Variants in GIMAP7 observed in about 807,000 individuals in gnomAD.
The protein encoded by GIMAP7 is GTPase, IMAP family member 7.
For missense variants in GIMAP7, 323 were observed against 359.7 expected (o/e 0.90, Z 0.83); for synonymous variants, 137 against 129.3 (o/e 1.06, Z -0.40).
rs1795171233 is a variant in GIMAP7, at chr7:150,520,014, G to C, written c.40G>C (p.Val14Leu). 1.2e-6 allele frequency: 2 copies of C among 1,614,066 alleles called. No individual in the cohort carries two copies. Among genetic ancestry groups the C allele is most frequent in the South Asian group, 1.1e-5 (1 of 91,092 alleles). Reference sequence around the variant, plus strand: ...GGACCGCTCCCTGAGGATCGTTCTGGTAGGGAAAACTGGAAGTGGGAAAAG... The same window carrying C: ...GGACCGCTCCCTGAGGATCGTTCTGCTAGGGAAAACTGGAAGTGGGAAAAG... The part of the protein sequence containing the change: ...SEDRSLRIVL[V>L]GKTGSGKSAT... The change falls in exon 2 of 2, where the codon GTA becomes CTA. Residue 14 changes from valine to leucine, a missense_variant. Coordinates refer to ENST00000313543, the MANE Select transcript of GIMAP7 (RefSeq NM_153236.4).
chr7:150,515,497 T>A (rs544195291), intron 1 of GIMAP7, among the ~76,000 whole-genome samples: 1 of 152,302 alleles, frequency 6.6e-6, no homozygotes, highest in South Asian at 2.1e-4. Flanking sequence ...AGAGTTGCCA[T>A]AAAAGACCTT....
chr7:150,519,968 C>G lies in GIMAP7; in HGVS notation c.-7C>G. 2 of 1,612,590 alleles carry G rather than the reference C, an allele frequency of 1.2e-6. No individual in the cohort carries two copies. Among genetic ancestry groups the G allele is most frequent in the Non-Finnish European group, 1.7e-6 (2 of 1,178,930 alleles). ...GTGCCTAAGTTCTAGAGCCTCCTGA[C>G]GTGAGCATGGCTGAGAGTGAGGACC... On this transcript the variant is annotated 5_prime_UTR_variant, in exon 2 of 2. Transcript: ENST00000313543.
At position 150,520,173 on chromosome 7, in the gene GIMAP7, C is replaced by T. The variant is rs750252314; in HGVS notation, c.199C>T (p.Leu67Phe). 6.2e-7 allele frequency: 1 copy of T among 1,614,116 alleles called. No individual in the cohort carries two copies. The highest frequency in any genetic ancestry group is 1.7e-5 in the Admixed American group (1 of 60,026). Residue 67 changes from leucine to phenylalanine, a missense_variant, in exon 2 of 2, where the codon CTC (leucine) becomes TTC (phenylalanine). Transcript: ENST00000313543. ...CCTTCTTGTTGTAGACACTCCAGGG[C>T]TCTTTGACACCAAGGAGAGCCTGGA... ...RDLLVVDTPG[L>F]FDTKESLDTT...
intron 1 of GIMAP7, among the ~76,000 whole-genome samples, chr7:150,517,881 A>T (rs1795150807): frequency 6.6e-6 from 1 of 152,084 alleles, no homozygotes. Flanking sequence ...TCATATAAAT[A>T]ATTCTTTTGT....
chr7:150,520,958 G>C lies in GIMAP7; in HGVS notation c.*81G>C. 3.5e-6 allele frequency: 2 copies of C among 575,978 alleles called. No homozygotes were observed. Among genetic ancestry groups the C allele is most frequent in the Non-Finnish European group, 5.5e-6 (2 of 362,010 alleles). 35.7% of individuals were successfully genotyped at this position (575,978 alleles called of 1,614,324 possible). On this transcript the variant is annotated 3_prime_UTR_variant, in exon 2 of 2. Coordinates refer to ENST00000313543, the MANE Select transcript of GIMAP7 (RefSeq NM_153236.4). ...ACCTCCTTCCCCTTAGCTTTATTAA[G>C]GTATCATTGATAAATAAAAATAAAA...
chr7:150,519,009 G>A (rs1795161264), intron 1 of GIMAP7, among the ~76,000 whole-genome samples: 1 of 152,046 alleles, frequency 6.6e-6, no homozygotes, highest in Non-Finnish European at 1.5e-5. Flanking sequence ...GTAATTGAAT[G>A]GAATATAAAT....
rs1490745042 is a variant in GIMAP7, at chr7:150,519,958, A to G, written c.-17A>G. 6.2e-7 allele frequency: 1 copy of G among 1,610,308 alleles called. No homozygotes were observed. ...GGTCTTGTACGTGCCTAAGTTCTAG[A>G]GCCTCCTGACGTGAGCATGGCTGAG... On this transcript the variant is annotated 5_prime_UTR_variant, in exon 2 of 2. Transcript: ENST00000313543.
chr7:150,516,226 C>A (rs7784050), intron 1 of GIMAP7, among the ~76,000 whole-genome samples: 115,366 of 152,106 alleles, frequency 0.76, 43,913 homozygotes, highest in East Asian at 0.85. Flanking sequence ...TATGCAGTCT[C>A]TGCTCGATAG....
intron 1 of GIMAP7, among the ~76,000 whole-genome samples, chr7:150,518,454 GA>G (rs1362633425): frequency 6.6e-6 from 1 of 151,954 alleles, no homozygotes; most frequent in African/African-American, 2.4e-5. Flanking sequence ...TATTGTGAAT[GA>G]ACTTGGATAT....
chr7:150,520,223 C>T lies in GIMAP7; in HGVS notation c.249C>T (p.Arg83=), dbSNP rs1795174646. The T allele has an allele frequency of 1.2e-6, 2 of 1,614,026 alleles. No individual in the cohort carries two copies. The highest frequency in any genetic ancestry group is 1.7e-5 in the Admixed American group (1 of 60,000). Residue 83 remains arginine, a synonymous_variant, in exon 2 of 2, where the codon CGC becomes CGT. Coordinates refer to ENST00000313543, the MANE Select transcript of GIMAP7 (RefSeq NM_153236.4). ...ACACCACCTGCAAGGAAATCAGCCG[C>T]TGCATCATCTCCTCCTGCCCAGGGC... ...SLDTTCKEIS[R]CIISSCPGPH...
At position 150,520,001 on chromosome 7, in the gene GIMAP7, GA is replaced by G. The variant is rs1563302154; in HGVS notation, c.28del (p.Arg10GlyfsTer5). 1.9e-6 allele frequency: 3 copies of G among 1,613,898 alleles called. No individual in the cohort carries two copies. In the South Asian group the frequency reaches 3.3e-5, roughly 18 times the overall value. On this transcript the variant is annotated frameshift_variant, in exon 2 of 2. Transcript: ENST00000313543. LOFTEE classifies it low-confidence loss of function (END_TRUNC). MAESEDRSL[R>X]IVLVGKTGSG... ...TGGCTGAGAGTGAGGACCGCTCCCT[GA>G]GGATCGTTCTGGTAGGGAAAACTGG...
At position 150,520,089 on chromosome 7, in the gene GIMAP7, G is replaced by C; in HGVS notation, c.115G>C (p.Ala39Pro). ...LGEEIFDSRI[A>P]AQAVTKNCQK... ...AGAGGAAATCTTTGATTCTAGAATT[G>C]CTGCCCAAGCTGTTACCAAGAACTG... The change falls in exon 2 of 2, where the codon GCT (alanine) becomes CCT (proline). Residue 39 changes from alanine to proline, a missense_variant. By Grantham distance (27) the Ala-to-Pro change is conservative (BLOSUM62 -1). Coordinates refer to ENST00000313543, the MANE Select transcript of GIMAP7 (RefSeq NM_153236.4). 1 of 1,614,150 alleles carries C rather than the reference G, an allele frequency of 6.2e-7. No homozygotes were observed. The highest frequency in any genetic ancestry group is 1.1e-5 in the South Asian group (1 of 91,078).
At position 150,520,192 on chromosome 7, in the gene GIMAP7, G is replaced by A. The variant is rs752912337; in HGVS notation, c.218G>A (p.Ser73Asn). The A allele has an allele frequency of 2.5e-6, 4 of 1,614,108 alleles. No homozygotes were observed. The East Asian group carries it at 8.9e-5, about 36-fold the overall frequency. Residue 73 changes from serine (S) to asparagine (N), a missense_variant, in exon 2 of 2, where the codon AGC becomes AAC. Physicochemically the swap from Ser to Asn is conservative, Grantham distance 46. Transcript: ENST00000313543. ...CCAGGGCTCTTTGACACCAAGGAGA[G>A]CCTGGACACCACCTGCAAGGAAATC... ...DTPGLFDTKE[S>N]LDTTCKEISR... is the part of the protein sequence containing the mutation.
rs1795177449 is a variant in GIMAP7, at chr7:150,520,424, T to C, written c.450T>C (p.Asp150=). The C allele has an allele frequency of 1.2e-6, 2 of 1,614,194 alleles. No individual in the cohort carries two copies. Among genetic ancestry groups the C allele is most frequent in the South Asian group, 1.1e-5 (1 of 91,084 alleles). The change falls in exon 2 of 2, where the codon GAT becomes GAC. Residue 150 remains aspartate, a synonymous_variant. Transcript: ENST00000313543. ...TCCATGACTTCATAGCAGATGCGGA[T>C]GTGGGCCTAAAAAGCATCGTCAAGG... The part of the protein sequence containing the change: ...QSFHDFIADA[D]VGLKSIVKEC...
At chr7:150,519,083 T>G (rs35241484) in intron 1 of GIMAP7, among the ~76,000 whole-genome samples, 36,721 of 151,994 alleles carry the variant, frequency 0.24, 4,606 homozygotes, top group Admixed American at 0.3. Context: ...CCTGTCTCTA[T>G]TCACTCACCA....
Position 150,520,839 on chromosome 7 carries a change from C to A in GIMAP7, c.865C>A (p.His289Asn). The change falls in exon 2 of 2, where the codon CAT becomes AAT. Residue 289 changes from histidine to asparagine, a missense_variant. Coordinates refer to ENST00000313543, the MANE Select transcript of GIMAP7 (RefSeq NM_153236.4). ...RIWKMLSEIW[H>N]RFLSKCKFYS... is the part of the protein sequence containing the mutation. ...TTGGAAGATGCTTTCAGAAATATGG[C>A]ATAGGTTTTTGTCGAAATGTAAGTT... The A allele has an allele frequency of 6.7e-7, 1 of 1,488,278 alleles. No homozygotes were observed. The highest frequency in any genetic ancestry group is 1.5e-5 in the South Asian group (1 of 68,814). The allele number at this position is 1,488,278 out of a possible 1,614,324, so 92.2% of individuals were successfully genotyped here. A position where few individuals can be genotyped will look rare whatever the true frequency, so the allele number is the denominator to read the frequency against.
intron 1 of GIMAP7, among the ~76,000 whole-genome samples, chr7:150,515,852 C>T (rs1038416611): frequency 1.3e-5 from 2 of 152,146 alleles, no homozygotes; most frequent in Non-Finnish European, 2.9e-5. Flanking sequence ...CTCACGGTTC[C>T]CTTATAACAG....
Position 150,520,639 on chromosome 7 carries a change from A to G in GIMAP7, c.665A>G (p.Lys222Arg), listed in dbSNP as rs1309117116. ...AAACAACGGGAAGAGGTTTTGAGGA[A>G]AATCTACACTGACCAATTAAATGAA... is the stretch of plus-strand genomic sequence containing the variant. ...RLKQREEVLRKIYTDQLNEEI... is the reference protein window; with the variant it reads ...RLKQREEVLRRIYTDQLNEEI... The change falls in exon 2 of 2, where the codon AAA (lysine) becomes AGA (arginine). Residue 222 changes from lysine (K) to arginine (R), a missense_variant. Coordinates refer to ENST00000313543, the MANE Select transcript of GIMAP7 (RefSeq NM_153236.4). 2 of 1,613,856 alleles carry G rather than the reference A, an allele frequency of 1.2e-6. No individual in the cohort carries two copies. The highest frequency in any genetic ancestry group is 1.7e-6 in the Non-Finnish European group (2 of 1,179,926).
At chr7:150,515,684 C>G (rs983399867) in intron 1 of GIMAP7, among the ~76,000 whole-genome samples, 2 of 152,076 alleles carry the variant, frequency 1.3e-5, no homozygotes, top group Admixed American at 1.3e-4. Flanking sequence ...ATTTCTCAGC[C>G]TTTCTCTTAG....
Sources: allele counts gnomAD v4.1 joint callset (sites outside exome capture counted in the v4.1 genomes callset), GRCh38; gene constraint gnomAD v4.1.1; transcripts MANE v1.5; gene names NCBI Gene and HGNC (gene_info 2026-07-23, HGNC 2026-07-21).